SH3GL3: variants seen among roughly 807,000 people sequenced by gnomAD.
The protein encoded by SH3GL3 is SH3 domain containing GRB2 like 3, endophilin A3, also known as endophilin-A3.
SH3GL3 carries 33 observed loss-of-function variants against 47.7 expected under a neutral mutation model. The observed-to-expected ratio is 0.69, with a 90% CI of 0.52 to 0.92. SH3GL3 has a LOEUF of 0.92. Among genes scored for constraint, SH3GL3 ranks in the 40% least tolerant of loss-of-function variants. SH3GL3 has a pLI of 0.00. For synonymous variants in SH3GL3, 155 were observed against 148.8 expected (o/e 1.04, Z -0.30); for missense variants, 363 against 417.8 (o/e 0.87, Z 1.14).
chr15:83,613,946 A>T (rs1413437353), intron 8 of SH3GL3, among the ~76,000 whole-genome samples: 1 of 152,216 alleles, frequency 6.6e-6, no homozygotes, highest in Non-Finnish European at 1.5e-5. Context: ...ATGCTTCCCG[A>T]GACTACCATG....
At chr15:83,579,526 A>G (rs531876099) in intron 6 of SH3GL3, among the ~76,000 whole-genome samples, 4 of 152,264 alleles carry the variant, frequency 2.6e-5, no homozygotes, top group East Asian at 1.9e-4. Context: ...GCTTCCTGCC[A>G]TCTGTAGCTG....
intron 2 of SH3GL3, among the ~76,000 whole-genome samples, chr15:83,563,966 G>A (rs1443561060): frequency 6.6e-6 from 1 of 151,996 alleles, no homozygotes; most frequent in Non-Finnish European, 1.5e-5. Context: ...TGTTTAAATG[G>A]GAGTTTAGAA....
intron 8 of SH3GL3, among the ~76,000 whole-genome samples, chr15:83,589,455 C>T (rs570684695): frequency 6.6e-6 from 1 of 152,110 alleles, no homozygotes. Flanking sequence ...TGGCTCGGTG[C>T]AGCCTTGACC....
chr15:83,597,349 C>T (rs1395840675), intron 8 of SH3GL3, among the ~76,000 whole-genome samples: 1 of 152,108 alleles, frequency 6.6e-6, no homozygotes, highest in Non-Finnish European at 1.5e-5. Context: ...CCACATAAAC[C>T]CAGGGTAACC....
At chr15:83,518,044 C>G (rs1245659420) in intron 1 of SH3GL3, among the ~76,000 whole-genome samples, 1 of 152,162 alleles carries the variant, frequency 6.6e-6, no homozygotes, top group African/African-American at 2.4e-5. Flanking sequence ...AGATAATGGC[C>G]TCTAGCTGCA....
chr15:83,496,835 CAACTT>C lies in SH3GL3; in HGVS notation c.45+49258_45+49262del, dbSNP rs1044719754. Among the ~76,000 whole-genome samples the C allele has an allele frequency of 7.2e-4, 110 of 152,292 alleles. 1 individual carries two copies. The highest frequency in any genetic ancestry group is 2.4e-3 in the African/African-American group (98 of 41,558). ...TCCAGGTCAGGAGGAAAGTTCCACT[CAACTT>C]GCTATTTCTCATCTAGCTCGGCAGT... On this transcript the variant is annotated intron_variant, in intron 1 of 8. Transcript: ENST00000427482.
intron 5 of SH3GL3, among the ~76,000 whole-genome samples, chr15:83,574,879 G>A (rs943328194): frequency 2.0e-5 from 3 of 151,688 alleles, no homozygotes; most frequent in Non-Finnish European, 4.4e-5. Context: ...TTGGGAAGCT[G>A]TTTGTTCTTT....
chr15:83,449,733 G>C (rs926391311), intron 1 of SH3GL3, among the ~76,000 whole-genome samples: 4 of 117,386 alleles, frequency 3.4e-5, no homozygotes, highest in Admixed American at 3.0e-4. Flanking sequence ...TTTTTTTTTC[G>C]CATGAGCGGA....
At chr15:83,601,082 T>C (rs1175480559) in intron 8 of SH3GL3, among the ~76,000 whole-genome samples, 1 of 152,196 alleles carries the variant, frequency 6.6e-6, no homozygotes, top group African/African-American at 2.4e-5. Context: ...TTCTAGGAGC[T>C]TTTTGGAGGA....
At chr15:83,588,112 T>C (rs2151806161) in intron 7 of SH3GL3, among the ~76,000 whole-genome samples, 1 of 152,252 alleles carries the variant, frequency 6.6e-6, no homozygotes, top group Admixed American at 6.5e-5. Flanking sequence ...ATTAGTCTTT[T>C]GTTTTGTTTT....
rs769940040 is a variant in SH3GL3 at position 83,459,071 on chromosome 15, A to G, written c.45+11493A>G. On this transcript the variant is annotated intron_variant, in intron 1 of 8. Transcript: ENST00000427482. ...GAGCCCCTGGCAAACCACTGGTTTA[A>G]GTCCAAGAGTCCAAAAGCTGAAGAA... Among the ~76,000 whole-genome samples, 248 of 152,376 alleles carry G rather than the reference A, an allele frequency of 1.6e-3. 1 individual carries two copies. The Middle Eastern group carries it at 0.024, about 15-fold the overall frequency.
chr15:83,592,396 A>G (rs886799959), intron 8 of SH3GL3, among the ~76,000 whole-genome samples: 39 of 152,182 alleles, frequency 2.6e-4, no homozygotes, highest in African/African-American at 8.9e-4. Flanking sequence ...CACGGATGAA[A>G]ATGTGAGCAG....
At chr15:83,464,561 A>T (rs565985749) in intron 1 of SH3GL3, among the ~76,000 whole-genome samples, 1 of 152,146 alleles carries the variant, frequency 6.6e-6, no homozygotes, top group African/African-American at 2.4e-5. Flanking sequence ...TCAAATGTGA[A>T]CTCTTAATTA....
At chr15:83,531,631 A>G (rs771740143) in intron 1 of SH3GL3, among the ~76,000 whole-genome samples, 6 of 152,186 alleles carry the variant, frequency 3.9e-5, no homozygotes, top group Non-Finnish European at 8.8e-5. Flanking sequence ...GGGGAATAGC[A>G]TTATTCAACG....
chr15:83,562,916 C>A (rs2045354993), intron 2 of SH3GL3, among the ~76,000 whole-genome samples: 2 of 152,148 alleles, frequency 1.3e-5, no homozygotes, highest in Admixed American at 6.5e-5. Flanking sequence ...GTTACTAGGC[C>A]AAACGCACAC....
chr15:83,461,249 G>C (rs138431668), intron 1 of SH3GL3, among the ~76,000 whole-genome samples: 1 of 152,224 alleles, frequency 6.6e-6, no homozygotes, highest in African/African-American at 2.4e-5. Context: ...TCATGGAAAA[G>C]ACTCTAATAA....
chr15:83,559,179 T>A (rs1284730865), intron 1 of SH3GL3, 74 bp from the exon 2 acceptor site: 1 of 894,022 alleles, frequency 1.1e-6, no homozygotes, highest in East Asian at 2.5e-5. Context: ...TTTGTTTCTG[T>A]TTTTAATAAT....
intron 8 of SH3GL3, among the ~76,000 whole-genome samples, chr15:83,610,755 G>T (rs1422957379): frequency 6.6e-6 from 1 of 152,012 alleles, no homozygotes; most frequent in Non-Finnish European, 1.5e-5. Context: ...CTACTCATAG[G>T]ATTTCTCTGG....
intron 1 of SH3GL3, among the ~76,000 whole-genome samples, chr15:83,478,569 T>G (rs1444659470): frequency 1.3e-5 from 2 of 152,266 alleles, no homozygotes; most frequent in Non-Finnish European, 2.9e-5. Flanking sequence ...TCAAGTGCTT[T>G]ATATATGATA....
Sources: allele counts gnomAD v4.1 joint callset (sites outside exome capture counted in the v4.1 genomes callset), GRCh38; gene constraint gnomAD v4.1.1; transcripts MANE v1.5; gene names NCBI Gene and HGNC (gene_info 2026-07-23, HGNC 2026-07-21).